Variants in PARD3B observed in about 807,000 individuals in gnomAD.
The protein encoded by PARD3B is partitioning defective 3 homolog B.
PARD3B carries 103 observed loss-of-function variants against 130.2 expected under a neutral mutation model. The observed-to-expected ratio is 0.79, with a 90% CI of 0.67 to 0.93. The LOEUF is 0.93. Among genes scored for constraint, PARD3B ranks in the 40% least tolerant of loss-of-function variants. The probability of loss-of-function intolerance (pLI) is 0.00; values close to 1 mark genes in which losing one functional copy is unlikely to be tolerated. For synonymous variants in PARD3B, 583 were observed against 553.2 expected (o/e 1.05, Z -0.76); for missense variants, 1,609 against 1,499.2 (o/e 1.07, Z -1.21).
chr2:205,336,398 C>G (rs1016440140), intron 18 of PARD3B, among the ~76,000 whole-genome samples: 1 of 152,208 alleles, frequency 6.6e-6, no homozygotes, highest in African/African-American at 2.4e-5. Context: ...CTTAGAATCT[C>G]TGATCTTATT....
rs545042193 is a variant in PARD3B, at chr2:204,836,492, G to A, written c.223-128660G>A. On this transcript the variant is annotated intron_variant, in intron 2 of 22. Coordinates refer to ENST00000406610, the MANE Select transcript of PARD3B (RefSeq NM_001302769.2). ...ACCCTGGGCAACATGGCAAAACCCC[G>A]TCTCTACTAAAAATACAAAAATTAG... Among the ~76,000 whole-genome samples, 17 of 151,952 alleles carry A rather than the reference G, an allele frequency of 1.1e-4. No individual in the cohort carries two copies. The East Asian group carries it at 1.4e-3, about 12-fold the overall frequency.
At position 204,546,025 on chromosome 2, in the gene PARD3B, G is replaced by C. The variant is rs756468191; in HGVS notation, c.26G>C (p.Arg9Thr). 9 of 1,568,390 alleles carry C rather than the reference G, an allele frequency of 5.7e-6. No homozygotes were observed. The highest frequency in any genetic ancestry group is 2.6e-6 in the Non-Finnish European group (3 of 1,156,018). The change falls in exon 1 of 23, where the codon AGG (arginine) becomes ACG (threonine). Residue 9 changes from arginine to threonine, a missense_variant. Transcript: ENST00000406610. MKVTVCFG[R>T]TGIVVPCKEG... ...ATGAAAGTGACCGTGTGCTTCGGCA[G>C]GACGGGCATCGTGGTGCCCTGCAAG...
chr2:205,083,401 GAA>G (rs1164035157), intron 4 of PARD3B, among the ~76,000 whole-genome samples: 1 of 150,408 alleles, frequency 6.6e-6, no homozygotes, highest in Non-Finnish European at 1.5e-5. Context: ...AACTAAGTAA[GAA>G]TGGTATGAAA....
Position 205,617,851 on chromosome 2 carries a change from C to T in PARD3B, c.*2038C>T, listed in dbSNP as rs879346370. 28 of 152,244 alleles carry T rather than the reference C, an allele frequency of 1.8e-4. No homozygotes were observed. Among genetic ancestry groups the T allele is most frequent in the Admixed American group, 1.2e-3 (18 of 15,290 alleles). The allele number at this position is 152,244 out of a possible 1,614,324, so 9.4% of individuals were successfully genotyped here. A position where few individuals can be genotyped will look rare whatever the true frequency, so the allele number is the denominator to read the frequency against. Reference sequence around the variant, plus strand: ...GTTTTGAAGCATTAAAAACCAGCAGCTCTTCACTATGTTCCATATTTTAAC... The same window carrying T: ...GTTTTGAAGCATTAAAAACCAGCAGTTCTTCACTATGTTCCATATTTTAAC... On this transcript the variant is annotated 3_prime_UTR_variant, in exon 23 of 23. Transcript: ENST00000406610.
At chr2:204,761,028 A>G (rs947789680) in intron 2 of PARD3B, among the ~76,000 whole-genome samples, 2 of 152,174 alleles carry the variant, frequency 1.3e-5, no homozygotes, top group African/African-American at 2.4e-5. Flanking sequence ...AATCTTTACA[A>G]TAGAACCTTT....
intron 1 of PARD3B, among the ~76,000 whole-genome samples, chr2:204,640,589 C>T (rs2035042964): frequency 6.6e-6 from 1 of 152,114 alleles, no homozygotes; most frequent in Non-Finnish European, 1.5e-5. Context: ...GGTGACTAGA[C>T]CTGAGATACT....
At chr2:204,957,375 C>T (rs1300307007) in intron 2 of PARD3B, among the ~76,000 whole-genome samples, 1 of 152,144 alleles carries the variant, frequency 6.6e-6, no homozygotes, top group African/African-American at 2.4e-5. Context: ...ATAGGGTTTT[C>T]AGTACAGTTG....
At chr2:204,699,678 T>G (rs1364262951) in intron 2 of PARD3B, among the ~76,000 whole-genome samples, 1 of 151,988 alleles carries the variant, frequency 6.6e-6, no homozygotes, top group Non-Finnish European at 1.5e-5. Context: ...AAGAATAATG[T>G]GATAGACAAT....
At chr2:204,897,587 A>C (rs982253932) in intron 2 of PARD3B, among the ~76,000 whole-genome samples, 6 of 152,096 alleles carry the variant, frequency 3.9e-5, no homozygotes, top group Admixed American at 1.3e-4. Flanking sequence ...CTCTAATTGT[A>C]ACTTATAAAA....
chr2:204,545,893 C>G lies in PARD3B; in HGVS notation c.-107C>G. 1 of 1,285,208 alleles carries G rather than the reference C, an allele frequency of 7.8e-7. No homozygotes were observed. Among genetic ancestry groups the G allele is most frequent in the Non-Finnish European group, 1.0e-6 (1 of 982,024 alleles). The allele number at this position is 1,285,208 out of a possible 1,614,324, so 79.6% of individuals were successfully genotyped here. On this transcript the variant is annotated 5_prime_UTR_variant, in exon 1 of 23. Transcript: ENST00000406610. ...TCAGGGTGTTCCGGGGAGCGGCGCC[C>G]CGGGTCTCTGGGCCCACCCGCCCCG...
intron 1 of PARD3B, among the ~76,000 whole-genome samples, chr2:204,661,465 G>C (rs915097291): frequency 6.6e-6 from 1 of 152,002 alleles, no homozygotes; most frequent in African/African-American, 2.4e-5. Flanking sequence ...TTGAAACCAA[G>C]TACCTCATGA....
intron 20 of PARD3B, among the ~76,000 whole-genome samples, chr2:205,496,030 C>G (rs1271027351): frequency 6.6e-6 from 1 of 152,012 alleles, no homozygotes; most frequent in Non-Finnish European, 1.5e-5. Context: ...AAAGAATGCT[C>G]TAATTGATTC....
rs1490728658 is a variant in PARD3B at position 204,664,998 on chromosome 2, T to C, written c.121-21183T>C. Among the ~76,000 whole-genome samples the C allele has an allele frequency of 6.6e-6, 1 of 152,216 alleles. No individual in the cohort carries two copies. Among genetic ancestry groups the C allele is most frequent in the Non-Finnish European group, 1.5e-5 (1 of 68,046 alleles). On this transcript the variant is annotated intron_variant, in intron 1 of 22. Transcript: ENST00000406610. The surrounding 1 kb of genome is among the most constrained non-coding windows in gnomAD (Gnocchi z 5.2). The stretch of plus-strand genomic sequence containing the variant: ...GCAAATCCGTTGCTCTCATGAAGAC[T>C]GTAGAGAAAATGTTTGTACTGATTT...
intron 2 of PARD3B, among the ~76,000 whole-genome samples, chr2:204,884,801 G>A (rs945292274): frequency 5.3e-5 from 8 of 152,124 alleles, no homozygotes; most frequent in Non-Finnish European, 1.2e-4. Flanking sequence ...TCCCTACAGA[G>A]GACATTATCT....
intron 2 of PARD3B, among the ~76,000 whole-genome samples, chr2:204,954,341 A>G (rs1256166535): frequency 2.6e-5 from 4 of 152,168 alleles, no homozygotes; most frequent in Admixed American, 2.6e-4. Flanking sequence ...GTGCTTCCTC[A>G]TCCTCCAATC....
At chr2:204,750,379 T>C (rs1464366710) in intron 2 of PARD3B, among the ~76,000 whole-genome samples, 1 of 152,128 alleles carries the variant, frequency 6.6e-6, no homozygotes, top group Non-Finnish European at 1.5e-5. Context: ...AGCTCAGCAG[T>C]TCAAGACCAG....
intron 2 of PARD3B, among the ~76,000 whole-genome samples, chr2:204,834,001 C>G (rs2043934018): frequency 6.6e-6 from 1 of 152,174 alleles, no homozygotes; most frequent in South Asian, 2.1e-4. Context: ...AACAAACTCC[C>G]ATGGCAGGAA....
chr2:205,005,998 A>G (rs1430004342), intron 3 of PARD3B, among the ~76,000 whole-genome samples: 1 of 152,128 alleles, frequency 6.6e-6, no homozygotes, highest in African/African-American at 2.4e-5. Context: ...GAAGTTCATT[A>G]TATTAGTCTT....
intron 1 of PARD3B, among the ~76,000 whole-genome samples, chr2:204,591,289 G>C (rs549132489): frequency 3.9e-5 from 6 of 152,246 alleles, no homozygotes; most frequent in Admixed American, 6.5e-5. Flanking sequence ...TTTTATTGTG[G>C]GGCTGACAGA....
Sources: allele counts gnomAD v4.1 joint callset (sites outside exome capture counted in the v4.1 genomes callset), GRCh38; gene constraint gnomAD v4.1.1; non-coding constraint Gnocchi (gnomAD v3.1); transcripts MANE v1.5; gene names NCBI Gene and HGNC (gene_info 2026-07-23, HGNC 2026-07-21).